Variants in PCDHGA6 observed in about 807,000 individuals in gnomAD.
PCDHGA6 encodes protocadherin gamma-A6.
A neutral mutation model predicts 60.6 loss-of-function variants in PCDHGA6; 41 were observed. The observed-to-expected ratio is 0.68, with a 90% CI of 0.53 to 0.88. The LOEUF (loss-of-function observed/expected upper bound fraction) is 0.88, where lower values mean the gene tolerates loss of function less well. Ranked by LOEUF, PCDHGA6 falls within the 40% of genes least tolerant of loss-of-function variation. The pLI is 0.00. For missense variants in PCDHGA6, 1,312 were observed against 1,203.0 expected, an observed-to-expected ratio of 1.09 and a Z score of -1.34; for synonymous variants, 594 against 524.4, an observed-to-expected ratio of 1.13 and a Z score of -1.81.
intron 1 of PCDHGA6, chr5:141,410,606 G>C: frequency 1.2e-6 from 2 of 1,607,214 alleles, no homozygotes; most frequent in Non-Finnish European, 1.7e-6. Flanking sequence ...TTCACATCCT[G>C]AGACTCTGAC....
intron 1 of PCDHGA6, chr5:141,423,755 G>GGT (rs1554116817): frequency 5.9e-6 from 3 of 512,508 alleles, no homozygotes; most frequent in Non-Finnish European, 7.8e-6. Context: ...CTGTTTGGGG[G>GGT]GGGGGTGGGG....
chr5:141,486,189 A>T lies in PCDHGA6; in HGVS notation c.2425-8618A>T, dbSNP rs761466492. 6.2e-7 allele frequency: 1 copy of T among 1,614,062 alleles called. No individual in the cohort carries two copies. Among genetic ancestry groups the T allele is most frequent in the Non-Finnish European group, 8.5e-7 (1 of 1,179,994 alleles). ...GAGCAACATTGCAGCCTTCGAGTGG[A>T]TCTGCTGGACGTAAATGACAATGCC... is the stretch of plus-strand genomic sequence containing the variant. On this transcript the variant is annotated intron_variant, in intron 1 of 3. Coordinates refer to ENST00000517434, the MANE Select transcript of PCDHGA6 (RefSeq NM_018919.3). The surrounding 1 kb of genome is among the most constrained non-coding windows in gnomAD (Gnocchi z 5.0).
chr5:141,505,320 C>G, intron 2 of PCDHGA6, 73 bp from the exon 3 acceptor site: 2 of 1,605,358 alleles, frequency 1.2e-6, no homozygotes, highest in Non-Finnish European at 1.7e-6. Context: ...TTTGGGAGCC[C>G]TGGGAGAGGA....
intron 1 of PCDHGA6, chr5:141,421,239 G>A (rs773410079): frequency 6.3e-7 from 1 of 1,599,000 alleles, no homozygotes; most frequent in South Asian, 1.1e-5. Context: ...TGGCGAATCG[G>A]CTACAGCGCG....
At chr5:141,453,014 G>A (rs2098753820) in intron 1 of PCDHGA6, among the ~76,000 whole-genome samples, 1 of 152,206 alleles carries the variant, frequency 6.6e-6, no homozygotes, top group Non-Finnish European at 1.5e-5. Flanking sequence ...GTATAGTTAT[G>A]TGATTCATTA....
intron 1 of PCDHGA6, chr5:141,398,937 C>G: frequency 6.2e-7 from 1 of 1,613,902 alleles, no homozygotes; most frequent in Non-Finnish European, 8.5e-7. Context: ...CTGACCAAGA[C>G]GAGGGCATCA....
chr5:141,388,379 C>T (rs901735153), intron 1 of PCDHGA6: 1 of 1,613,998 alleles, frequency 6.2e-7, no homozygotes, highest in South Asian at 1.1e-5. Flanking sequence ...TTGGTAGCAA[C>T]ACACTGCAGA....
Position 141,476,962 on chromosome 5 carries a change from C to T in PCDHGA6, c.2425-17845C>T. The stretch of plus-strand genomic sequence containing the variant: ...GCCCCAACGGTGAAATTATTTACTC[C>T]TTCGGCAGCCACAACCGCGCCGGCG... On this transcript the variant is annotated intron_variant, in intron 1 of 3. Coordinates refer to ENST00000517434, the MANE Select transcript of PCDHGA6 (RefSeq NM_018919.3). The surrounding 1 kb of genome is among the most constrained non-coding windows in gnomAD (Gnocchi z 7.6). 6.2e-7 allele frequency: 1 copy of T among 1,614,200 alleles called. No homozygotes were observed. Among genetic ancestry groups the T allele is most frequent in the South Asian group, 1.1e-5 (1 of 91,090 alleles).
rs369406530 is a variant in PCDHGA6, at chr5:141,393,504, A to C, written c.2424+16997A>C. On this transcript the variant is annotated intron_variant, in intron 1 of 3. Transcript: ENST00000517434. ...CTCTAGCACAGTGCGCATCCACGTG[A>C]CAGTGTTGGATACAAATGACAATGC... 16 of 1,613,918 alleles carry C rather than the reference A, an allele frequency of 9.9e-6. No individual in the cohort carries two copies. In the African/African-American group the frequency reaches 2.0e-4, roughly 20 times the overall value.
At chr5:141,506,462 AAAAG>A (rs1396142744) in intron 3 of PCDHGA6, among the ~76,000 whole-genome samples, 1 of 151,856 alleles carries the variant, frequency 6.6e-6, no homozygotes, top group African/African-American at 2.4e-5. Flanking sequence ...AAAAAAAAAA[AAAAG>A]AGCACAGGCT....
At chr5:141,411,423 CA>C (rs200531177) in intron 1 of PCDHGA6, 3 of 147,666 alleles carry the variant, frequency 2.0e-5, no homozygotes, top group Admixed American at 6.8e-5. Context: ...ACAACAACAA[CA>C]AAAAAAAACA....
chr5:141,478,358 C>G, intron 1 of PCDHGA6: 1 of 1,613,738 alleles, frequency 6.2e-7, no homozygotes, highest in South Asian at 1.1e-5. Flanking sequence ...GGACGCCGTG[C>G]GGGGAGGCCT....
chr5:141,376,772 C>T lies in PCDHGA6; in HGVS notation c.2424+265C>T, dbSNP rs911404342. ...CGCAATCTCGGCTCACTGCAAGCTC[C>T]GCTTCCCGGGTTCACGCCATTCTCC... On this transcript the variant is annotated intron_variant, in intron 1 of 3. Transcript: ENST00000517434. The T allele has an allele frequency of 8.2e-5, 34 of 412,628 alleles. 1 individual carries two copies. The highest frequency in any genetic ancestry group is 3.9e-4 in the Admixed American group (9 of 23,202). 25.6% of individuals were successfully genotyped at this position (412,628 alleles called of 1,614,324 possible).
intron 1 of PCDHGA6, chr5:141,415,216 A>C: frequency 6.2e-7 from 1 of 1,614,086 alleles, no homozygotes; most frequent in African/African-American, 1.3e-5. Flanking sequence ...GGACCTCGGC[A>C]GCTTCGAGTC....
intron 1 of PCDHGA6, chr5:141,422,190 A>G (rs761351024): frequency 6.4e-7 from 1 of 1,561,412 alleles, no homozygotes. Flanking sequence ...TGGAAATTCA[A>G]GGCCAAGATG....
intron 2 of PCDHGA6, among the ~76,000 whole-genome samples, chr5:141,504,788 TC>T (rs1235410120): frequency 6.6e-6 from 1 of 152,070 alleles, no homozygotes; most frequent in Non-Finnish European, 1.5e-5. Context: ...TCTTGGGGCC[TC>T]CTACATCTCC....
chr5:141,494,323 A>T (rs1188768690), intron 1 of PCDHGA6, among the ~76,000 whole-genome samples: 1 of 152,210 alleles, frequency 6.6e-6, no homozygotes, highest in Non-Finnish European at 1.5e-5. Flanking sequence ...CCTGGCACCA[A>T]AAGGGTTACC....
intron 1 of PCDHGA6, chr5:141,426,778 C>A (rs780981970): frequency 2.2e-6 from 1 of 456,716 alleles, no homozygotes; most frequent in South Asian, 1.5e-5. Context: ...GGGCCTCACT[C>A]TCTCCAGAGT....
chr5:141,389,309 T>C (rs763262842), intron 1 of PCDHGA6: 1 of 1,613,900 alleles, frequency 6.2e-7, no homozygotes, highest in African/African-American at 1.3e-5. Context: ...TCAGGGCTTC[T>C]GATCCGGACT....
Sources: gnomAD v4.1 joint callset for allele counts (sites outside exome capture counted in the v4.1 genomes callset) on GRCh38, gnomAD v4.1.1 for gene constraint, Gnocchi (gnomAD v3.1) non-coding constraint, MANE v1.5 for transcripts, NCBI Gene and HGNC (gene_info 2026-07-23, HGNC 2026-07-21) for gene names.